Variants in RAB4A observed in about 807,000 individuals in gnomAD.
The protein encoded by RAB4A is ras-related protein Rab-4A.
Under a neutral mutation model 34.5 loss-of-function variants are expected in RAB4A, and 20 were observed. The observed-to-expected ratio is 0.58, with a 90% CI of 0.41 to 0.84. The LOEUF (loss-of-function observed/expected upper bound fraction) is 0.84, where lower values mean the gene tolerates loss of function less well. Among genes scored for constraint, RAB4A ranks in the 40% least tolerant of loss-of-function variants. RAB4A has a pLI of 0.00. For missense variants in RAB4A, 228 were observed against 274.5 expected (o/e 0.83, Z 1.20); for synonymous variants, 102 against 100.0 (o/e 1.02, Z -0.12).
chr1:229,275,554 A>G (rs1656617630), intron 1 of RAB4A, among the ~76,000 whole-genome samples: 1 of 151,834 alleles, frequency 6.6e-6, no homozygotes, highest in South Asian at 2.1e-4. Flanking sequence ...GAAATTTAGG[A>G]TGACAAGGCA....
rs1657478844 is a variant in RAB4A, at chr1:229,303,793, T to G, written c.*13-13T>G. ...GTTATGCAGATTTTGAAATTGTTCT[T>G]AATATTTTTTAGGTGTTCATACAGT... On this transcript the variant is annotated splice_polypyrimidine_tract_variant and intron_variant, in intron 7 of 7. Transcript: ENST00000366690. 3 of 152,250 alleles carry G rather than the reference T, an allele frequency of 2.0e-5. No individual in the cohort carries two copies. Among genetic ancestry groups the G allele is most frequent in the African/African-American group, 7.2e-5 (3 of 41,470 alleles). 9.4% of individuals were successfully genotyped at this position (152,250 alleles called of 1,614,324 possible).
intron 1 of RAB4A, among the ~76,000 whole-genome samples, chr1:229,275,513 T>C (rs895926739): frequency 1.3e-5 from 2 of 152,076 alleles, no homozygotes; most frequent in Admixed American, 6.6e-5. Flanking sequence ...AACTAAAATA[T>C]AGGCTTTGCT....
intron 6 of RAB4A, 93 bp from the exon 7 acceptor site, chr1:229,302,769 T>A: frequency 1.2e-6 from 1 of 831,518 alleles, no homozygotes; most frequent in Non-Finnish European, 1.9e-6. Flanking sequence ...ATATACACAG[T>A]GTTCTGTACT....
At chr1:229,300,002 A>AGGTAGCAGGAGAAAT (rs1283938827) in intron 6 of RAB4A, among the ~76,000 whole-genome samples, 1 of 152,158 alleles carries the variant, frequency 6.6e-6, no homozygotes, top group Non-Finnish European at 1.5e-5. Context: ...GCAGGAGAAA[A>AGGTAGCAGGAGAAAT]GGTTGAAGAA....
intron 6 of RAB4A, 115 bp downstream of exon 6, chr1:229,299,187 C>T: frequency 1.4e-6 from 1 of 704,826 alleles, no homozygotes; most frequent in Non-Finnish European, 2.3e-6. Context: ...TCTCTCTCTA[C>T]CTGCCAACCT....
chr1:229,295,387 G>C (rs1657220932), intron 3 of RAB4A, among the ~76,000 whole-genome samples: 1 of 152,200 alleles, frequency 6.6e-6, no homozygotes, highest in Admixed American at 6.5e-5. Flanking sequence ...GGATGCAGGT[G>C]GGTGTAGGGC....
Position 229,298,988 on chromosome 1 carries a change from T to G in RAB4A, c.457T>G (p.Leu153Val). The G allele has an allele frequency of 1.2e-6, 2 of 1,608,770 alleles. No individual in the cohort carries two copies. Among genetic ancestry groups the G allele is most frequent in the South Asian group, 2.2e-5 (2 of 89,820 alleles). ...GATGTCCATTTTAGAGCTGATGTTT[T>G]TGGAAACAAGTGCGCTCACAGGGGA... is the stretch of plus-strand genomic sequence containing the variant. ...RFAQENELMF[L>V]ETSALTGENV... Residue 153 changes from leucine to valine, a missense_variant, in exon 6 of 8, where the codon TTG becomes GTG. Leu to Val is a conservative substitution (Grantham distance 32, BLOSUM62 1). Transcript: ENST00000366690.
At chr1:229,277,905 C>T (rs772111130) in intron 1 of RAB4A, among the ~76,000 whole-genome samples, 23 of 151,300 alleles carry the variant, frequency 1.5e-4, no homozygotes, top group Non-Finnish European at 3.4e-4. Flanking sequence ...CACTCTGTTG[C>T]CCAGTCTGGA....
intron 2 of RAB4A, among the ~76,000 whole-genome samples, chr1:229,287,093 G>GACTGT (rs1234537146): frequency 1.3e-5 from 2 of 152,198 alleles, no homozygotes; most frequent in Non-Finnish European, 2.9e-5. Flanking sequence ...GGCTGTAGAA[G>GACTGT]ACTGTAGGTT....
chr1:229,303,096 T>C (rs1306329999), intron 7 of RAB4A, 107 bp downstream of exon 7: 2 of 778,690 alleles, frequency 2.6e-6, no homozygotes, highest in Non-Finnish European at 4.1e-6. Flanking sequence ...CCCAGCCGGG[T>C]GCAGTGGCTC....
chr1:229,271,789 C>G (rs67413306), intron 1 of RAB4A, among the ~76,000 whole-genome samples: 1 of 152,182 alleles, frequency 6.6e-6, no homozygotes, highest in Non-Finnish European at 1.5e-5. Flanking sequence ...TCCTCAAATA[C>G]TTCAGTTTGA....
chr1:229,290,540 AC>A (rs1172219649), intron 3 of RAB4A, among the ~76,000 whole-genome samples: 2 of 152,188 alleles, frequency 1.3e-5, no homozygotes, highest in Non-Finnish European at 2.9e-5. Flanking sequence ...CACCTGCTCC[AC>A]CCACACATAA....
At chr1:229,295,260 A>G (rs1340168772) in intron 3 of RAB4A, among the ~76,000 whole-genome samples, 1 of 152,128 alleles carries the variant, frequency 6.6e-6, no homozygotes, top group African/African-American at 2.4e-5. Context: ...AAAATCTCAC[A>G]AAGAGGGTGA....
At chr1:229,271,484 C>G (rs1656474548) in intron 1 of RAB4A, 114 bp downstream of exon 1, 6 of 908,324 alleles carry the variant, frequency 6.6e-6, no homozygotes, top group Non-Finnish European at 8.2e-6. Context: ...CGGCCGGAGC[C>G]GGGGGACGGA....
At chr1:229,302,317 T>TC (rs2102681116) in intron 6 of RAB4A, among the ~76,000 whole-genome samples, 1 of 97,722 alleles carries the variant, frequency 1.0e-5, no homozygotes, top group African/African-American at 4.3e-5. Flanking sequence ...ATATTTTTTT[T>TC]TTTTTTTTAC....
chr1:229,296,001 C>T, intron 4 of RAB4A, 91 bp downstream of exon 4: 3 of 1,333,814 alleles, frequency 2.2e-6, no homozygotes, highest in Admixed American at 1.8e-5. Flanking sequence ...GCAGTGTGTG[C>T]TTTGTGTGTC....
At chr1:229,285,647 G>T (rs1435991792) in intron 1 of RAB4A, among the ~76,000 whole-genome samples, 2 of 152,122 alleles carry the variant, frequency 1.3e-5, no homozygotes, top group East Asian at 3.9e-4. Flanking sequence ...AGGAGCAAGG[G>T]TAAGGAGTGG....
chr1:229,289,062 G>A (rs962278186), intron 3 of RAB4A: 5 of 478,272 alleles, frequency 1.0e-5, no homozygotes, highest in African/African-American at 2.0e-5. Context: ...GGATCTCCGC[G>A]CAACTGCATT....
intron 2 of RAB4A, among the ~76,000 whole-genome samples, 197 bp downstream of exon 2, chr1:229,286,763 T>C (rs915398718): frequency 7.2e-5 from 11 of 152,258 alleles, no homozygotes; most frequent in Admixed American, 6.5e-4. Context: ...TGGTTCAGTA[T>C]ATGGTTACTT....
Sources: gnomAD v4.1 joint callset for allele counts (sites outside exome capture counted in the v4.1 genomes callset) on GRCh38, gnomAD v4.1.1 for gene constraint, MANE v1.5 for transcripts, NCBI Gene and HGNC (gene_info 2026-07-23, HGNC 2026-07-21) for gene names.